The following AP3B1 variants were observed in gnomAD, a reference collection of about 807,000 sequenced individuals.
AP3B1 encodes the protein AP-3 complex subunit beta-1.
Under a neutral mutation model 132.5 loss-of-function variants are expected in AP3B1, and 61 were observed. The observed-to-expected ratio is 0.46, with a 90% CI of 0.37 to 0.57. AP3B1 has a LOEUF of 0.57. Ranked by LOEUF, AP3B1 falls within the 20% of genes least tolerant of loss-of-function variation. AP3B1 has a pLI of 0.00. For missense variants in AP3B1, 1,120 were observed against 1,289.4 expected, an observed-to-expected ratio of 0.87 and a Z score of 2.01; for synonymous variants, 388 against 438.3, an observed-to-expected ratio of 0.89 and a Z score of 1.43.
intron 25 of AP3B1, 37 bp downstream of exon 25, chr5:78,020,655 G>A: frequency 7.0e-7 from 1 of 1,437,498 alleles, no homozygotes; most frequent in Non-Finnish European, 9.8e-7. Flanking sequence ...ATATTATTTG[G>A]TATGTAAATT....
intron 21 of AP3B1, among the ~76,000 whole-genome samples, chr5:78,095,053 T>C (rs1207684778): frequency 1.3e-5 from 2 of 152,236 alleles, no homozygotes; most frequent in African/African-American, 4.8e-5. Context: ...ACCTTGATAC[T>C]GAACAGTATT....
rs1561217293 is a variant in AP3B1, at chr5:78,278,629, G to GAAAAAAAA, written c.129-11035_129-11034insTTTTTTTT. 3.0e-4 allele frequency among the ~76,000 whole-genome samples: 23 copies of GAAAAAAAA among 76,784 alleles called. 2 individuals are homozygous for GAAAAAAAA. The highest frequency in any genetic ancestry group is 8.5e-4 in the African/African-American group (23 of 27,148). 50.4% of individuals were successfully genotyped at this position (76,784 alleles called of 152,430 possible). ...AAAAAAAAAAAAAAAAAAAAAAGGGGGGGGGGGACTAATTAATTATGAGGA... is the reference window on the plus strand; with the variant it reads ...AAAAAAAAAAAAAAAAAAAAAAGGGGAAAAAAAAGGGGGGGACTAATTAATTATGAGGA... On this transcript the variant is annotated intron_variant, in intron 1 of 26. Transcript: ENST00000255194.
rs749908617 is a variant in AP3B1, at chr5:78,128,118, T to A, written c.1880A>T (p.Asn627Ile). The change falls in exon 17 of 27, where the codon AAC becomes ATC. Residue 627 changes from asparagine to isoleucine, a missense_variant. This residue lies in a region of AP3B1 where 906 missense variants were observed against 997.1 expected (regional missense o/e 0.91). Coordinates refer to ENST00000255194, the MANE Select transcript of AP3B1 (RefSeq NM_003664.5). ...FQLGTLSHTL[N>I]IKATGYLELS... ...TTCCAGGTACCCAGTAGCTTTAATG[T>A]TGAGAGTATGAGATAAGGTGCCAAG... 1.2e-6 allele frequency: 2 copies of A among 1,612,584 alleles called. No individual in the cohort carries two copies. The highest frequency in any genetic ancestry group is 3.3e-5 in the Admixed American group (2 of 59,950).
chr5:78,196,955 A>G (rs908830310), intron 7 of AP3B1, among the ~76,000 whole-genome samples: 1 of 152,210 alleles, frequency 6.6e-6, no homozygotes, highest in Non-Finnish European at 1.5e-5. Flanking sequence ...TATTCATGTT[A>G]TCATATATCA....
intron 22 of AP3B1, among the ~76,000 whole-genome samples, chr5:78,085,125 G>A (rs960626785): frequency 1.3e-5 from 2 of 152,138 alleles, no homozygotes; most frequent in South Asian, 2.1e-4. Flanking sequence ...TATTTTGATG[G>A]CTTTTTATAC....
At chr5:78,204,470 G>A (rs891089482) in intron 7 of AP3B1, among the ~76,000 whole-genome samples, 1 of 152,116 alleles carries the variant, frequency 6.6e-6, no homozygotes, top group Non-Finnish European at 1.5e-5. Context: ...TTCTGAGTAG[G>A]TGTCTAACCC....
At chr5:78,183,162 C>T (rs1433257137) in intron 7 of AP3B1, among the ~76,000 whole-genome samples, 1 of 152,172 alleles carries the variant, frequency 6.6e-6, no homozygotes, top group African/African-American at 2.4e-5. Flanking sequence ...CCAGAAATCC[C>T]ACATTCACCT....
intron 2 of AP3B1, among the ~76,000 whole-genome samples, chr5:78,254,928 C>T (rs1302550072): frequency 6.6e-6 from 1 of 151,762 alleles, no homozygotes; most frequent in Non-Finnish European, 1.5e-5. Context: ...ACAGAAACAA[C>T]AAAAGGTTAA....
At chr5:78,086,635 G>A (rs1382667457) in intron 22 of AP3B1, among the ~76,000 whole-genome samples, 1 of 152,158 alleles carries the variant, frequency 6.6e-6, no homozygotes, top group Non-Finnish European at 1.5e-5. Context: ...TAGCTTTAAG[G>A]AGTGAAGGCC....
chr5:78,150,670 G>A (rs191178472), intron 14 of AP3B1, among the ~76,000 whole-genome samples: 73 of 152,162 alleles, frequency 4.8e-4, no homozygotes, highest in Middle Eastern at 3.4e-3. Flanking sequence ...GTCCTTTTAC[G>A]ATCATCATTT....
chr5:78,244,141 C>T (rs1747270374), intron 2 of AP3B1, among the ~76,000 whole-genome samples: 1 of 152,170 alleles, frequency 6.6e-6, no homozygotes, highest in Middle Eastern at 3.2e-3. Flanking sequence ...TGCCTGTAAT[C>T]CCGGCACTTT....
chr5:78,188,624 T>TA (rs1469302258), intron 7 of AP3B1, among the ~76,000 whole-genome samples: 1 of 152,206 alleles, frequency 6.6e-6, no homozygotes, highest in Non-Finnish European at 1.5e-5. Flanking sequence ...TTTACACTGT[T>TA]GGTGGGTACA....
intron 17 of AP3B1, among the ~76,000 whole-genome samples, chr5:78,124,357 TAAAC>T (rs1426051931): frequency 1.3e-5 from 2 of 151,968 alleles, no homozygotes; most frequent in East Asian, 1.9e-4. Context: ...AAATAAAAAT[TAAAC>T]ACACACACAC....
chr5:78,145,453 G>T (rs896977608), intron 14 of AP3B1, among the ~76,000 whole-genome samples: 1 of 152,128 alleles, frequency 6.6e-6, no homozygotes, highest in Non-Finnish European at 1.5e-5. Context: ...GTGGAACTAG[G>T]ATCAGAACTC....
Position 78,118,961 on chromosome 5 carries a change from T to G in AP3B1, c.1969-2727A>C, listed in dbSNP as rs183014993. ...ACTGACACCTCACACGGCCGGGTAC[T>G]CCCCTGAGACAAAACTTCCAGAGGA... On this transcript the variant is annotated intron_variant, in intron 17 of 26. Transcript: ENST00000255194. 6.6e-3 allele frequency among the ~76,000 whole-genome samples: 1,005 copies of G among 152,218 alleles called. 9 individuals carry two copies. Among genetic ancestry groups the G allele is most frequent in the African/African-American group, 0.023 (962 of 41,514 alleles).
intron 22 of AP3B1, among the ~76,000 whole-genome samples, chr5:78,044,756 T>C (rs1276954347): frequency 6.6e-6 from 1 of 152,232 alleles, no homozygotes; most frequent in East Asian, 1.9e-4. Context: ...CTCAGTCTAA[T>C]CCTAGGATGC....
At position 78,057,102 on chromosome 5, in the gene AP3B1, A is replaced by G. The variant is rs141956739; in HGVS notation, c.2578-17828T>C. Among the ~76,000 whole-genome samples, 214 of 152,306 alleles carry G rather than the reference A, an allele frequency of 1.4e-3. 1 individual carries two copies. The highest frequency in any genetic ancestry group is 4.9e-3 in the African/African-American group (205 of 41,574). On this transcript the variant is annotated intron_variant, in intron 22 of 26. Transcript: ENST00000255194. ...TTTGTTTTCCTTAGGAGTTTACTGA[A>G]AAAGACACCATGCCAACAGGAAAGA... is the stretch of plus-strand genomic sequence containing the variant.
chr5:78,138,286 T>G (rs1173209010), intron 15 of AP3B1, among the ~76,000 whole-genome samples: 1 of 151,866 alleles, frequency 6.6e-6, no homozygotes, highest in Non-Finnish European at 1.5e-5. Flanking sequence ...GCCAACATGG[T>G]GAAACCCCAT....
At chr5:78,145,675 C>A (rs1362240082) in intron 14 of AP3B1, among the ~76,000 whole-genome samples, 1 of 152,162 alleles carries the variant, frequency 6.6e-6, no homozygotes, top group Admixed American at 6.5e-5. Context: ...TGTTTGTCTG[C>A]CACATTGTGC....
Sources: gnomAD v4.1 joint callset for allele counts (sites outside exome capture counted in the v4.1 genomes callset) on GRCh38, gnomAD v4.1.1 for gene constraint, gnomAD v4.1.1 regional missense constraint, MANE v1.5 for transcripts, NCBI Gene and HGNC (gene_info 2026-07-23, HGNC 2026-07-21) for gene names.